TMEM17: variants seen among roughly 807,000 people sequenced by gnomAD.
The protein encoded by TMEM17 is transmembrane protein 17.
TMEM17 carries 15 observed loss-of-function variants against 19.1 expected under a neutral mutation model. That is an observed-to-expected ratio of 0.78 (90% CI 0.52 to 1.21). The LOEUF is 1.21. Among genes scored for constraint, TMEM17 ranks in the 50% most tolerant of loss-of-function variants. The probability of loss-of-function intolerance (pLI) is 0.00; values close to 1 mark genes in which losing one functional copy is unlikely to be tolerated. For synonymous variants in TMEM17, 103 were observed against 86.9 expected (o/e 1.19, Z -1.03); for missense variants, 245 against 242.3 (o/e 1.01, Z -0.07).
At chr2:62,465,597 A>T in the TMEM17 span, among the ~76,000 whole-genome samples, 1 of 94,256 alleles carries the variant, frequency 1.1e-5, no homozygotes, top group Non-Finnish European at 1.9e-5. Context: ...TGTCTATATT[A>T]AAAAAAAAAA....
rs1464348399 is a variant in TMEM17, at chr2:62,501,225, C to T, written c.581G>A (p.Cys194Tyr). ...AACACTGGATCAGATCTCTTCTATA[C>T]ATGACCTCATCCTTCTCATGTCTCC... ...NRGDMRRMRS[C>Y]IEEI Residue 194 changes from cysteine (C) to tyrosine (Y), a missense_variant, in exon 4 of 4, where the codon TGT becomes TAT. Coordinates refer to ENST00000335390, the MANE Select transcript of TMEM17 (RefSeq NM_198276.3). 6.2e-7 allele frequency: 1 copy of T among 1,614,160 alleles called. No homozygotes were observed. Among genetic ancestry groups the T allele is most frequent in the Non-Finnish European group, 8.5e-7 (1 of 1,180,026 alleles).
the TMEM17 span, among the ~76,000 whole-genome samples, chr2:62,490,180 G>T: frequency 6.6e-6 from 1 of 151,988 alleles, no homozygotes; most frequent in Non-Finnish European, 1.5e-5. Context: ...TGTCTCAAAA[G>T]AAAGAAAAAT....
chr2:62,487,633 A>G, the TMEM17 span, among the ~76,000 whole-genome samples: 2 of 152,236 alleles, frequency 1.3e-5, no homozygotes, highest in African/African-American at 4.8e-5. Flanking sequence ...TGGATAAAGA[A>G]GCTAAAGTAT....
chr2:62,505,416 T>C (rs1421958140), intron 1 of TMEM17, among the ~76,000 whole-genome samples: 1 of 152,140 alleles, frequency 6.6e-6, no homozygotes, highest in Non-Finnish European at 1.5e-5. Flanking sequence ...GCCCGGCTAG[T>C]ATGGCACATG....
chr2:62,475,616 G>A, the TMEM17 span, among the ~76,000 whole-genome samples: 1 of 152,236 alleles, frequency 6.6e-6, no homozygotes, highest in Non-Finnish European at 1.5e-5. Context: ...CAAGCCCAGA[G>A]CTCACGTTTC....
chr2:62,492,251 G>T, the TMEM17 span, among the ~76,000 whole-genome samples: 1 of 152,210 alleles, frequency 6.6e-6, no homozygotes, highest in East Asian at 1.9e-4. Context: ...CTGTTTACTT[G>T]CTGTGTGACC....
At chr2:62,502,648 C>CT (rs1679960068) in intron 2 of TMEM17, 43 bp downstream of exon 2, 2 of 1,506,230 alleles carry the variant, frequency 1.3e-6, no homozygotes, top group Non-Finnish European at 1.8e-6. Context: ...TATTGACACT[C>CT]TAACAACGTC....
At chr2:62,467,749 AG>A in the TMEM17 span, among the ~76,000 whole-genome samples, 3 of 152,174 alleles carry the variant, frequency 2.0e-5, no homozygotes, top group Non-Finnish European at 4.4e-5. Flanking sequence ...TTCTGGCCTA[AG>A]GAGCTCCTCT....
chr2:62,479,652 G>A, the TMEM17 span, among the ~76,000 whole-genome samples: 3 of 152,230 alleles, frequency 2.0e-5, no homozygotes, highest in South Asian at 2.1e-4. Context: ...TTGGGAGGCC[G>A]AGGCCAGCAG....
chr2:62,491,105 A>AAAAAAC, the TMEM17 span: 2 of 147,200 alleles, frequency 1.4e-5, no homozygotes, highest in South Asian at 2.1e-4. Context: ...AAAAAAAAAA[A>AAAAAAC]CCTCTTCAGT....
At chr2:62,476,059 C>G in the TMEM17 span, among the ~76,000 whole-genome samples, 1 of 152,120 alleles carries the variant, frequency 6.6e-6, no homozygotes, top group Non-Finnish European at 1.5e-5. Flanking sequence ...GCCCAGCAAG[C>G]AGCCTTCCCA....
the TMEM17 span, among the ~76,000 whole-genome samples, chr2:62,477,315 T>A: frequency 6.6e-6 from 1 of 152,212 alleles, no homozygotes; most frequent in Non-Finnish European, 1.5e-5. Context: ...GAGAATTGCT[T>A]GAACCCAGGA....
chr2:62,498,576 C>T (rs1203951502), downstream of TMEM17, among the ~76,000 whole-genome samples: 4 of 145,340 alleles, frequency 2.8e-5, no homozygotes, highest in African/African-American at 5.0e-5. Flanking sequence ...ATTAGCCGGG[C>T]GTGGTGGCGG....
In TMEM17 at chr2:62,501,096, G is replaced by A. The variant is rs1308969249; in HGVS notation, c.*113C>T. 8.2e-7 allele frequency: 1 copy of A among 1,215,942 alleles called. No individual in the cohort carries two copies. Among genetic ancestry groups the A allele is most frequent in the Middle Eastern group, 2.3e-4 (1 of 4,324 alleles). The allele number at this position is 1,215,942 out of a possible 1,614,324, so 75.3% of individuals were successfully genotyped here. A position where few individuals can be genotyped will look rare whatever the true frequency, so the allele number is the denominator to read the frequency against. On this transcript the variant is annotated 3_prime_UTR_variant, in exon 4 of 4. Transcript: ENST00000335390. The stretch of plus-strand genomic sequence containing the variant: ...CCCCAACCTTGGAATTTCAGAGTGA[G>A]AGCATATACAATTCAAAACACTTGC...
chr2:62,502,521 G>A lies in TMEM17; in HGVS notation c.234C>T (p.Phe78=), dbSNP rs1454689429. ...KYSILPDYYK[F]IVITVIILIT... ...TTAGGATGATAACAGTGATCACAAT[G>A]AATTTGTAGTAGTCAGGTAAGATTG... The change falls in exon 3 of 4, where the codon TTC becomes TTT. Residue 78 remains phenylalanine (F), a synonymous_variant. Transcript: ENST00000335390. 1.1e-5 allele frequency: 17 copies of A among 1,611,224 alleles called. No homozygotes were observed. The highest frequency in any genetic ancestry group is 1.4e-5 in the Non-Finnish European group (17 of 1,178,242).
At chr2:62,483,754 C>T in the TMEM17 span, among the ~76,000 whole-genome samples, 107 of 152,098 alleles carry the variant, frequency 7.0e-4, no homozygotes, top group African/African-American at 2.5e-3. Context: ...CACGTGCCAC[C>T]GCGCCCGGCT....
the TMEM17 span, among the ~76,000 whole-genome samples, chr2:62,476,580 A>G: frequency 6.6e-6 from 1 of 152,218 alleles, no homozygotes; most frequent in Admixed American, 6.5e-5. Flanking sequence ...GAAAAATCCT[A>G]AGTTGCACCA....
At chr2:62,472,405 G>T in the TMEM17 span, among the ~76,000 whole-genome samples, 1 of 152,108 alleles carries the variant, frequency 6.6e-6, no homozygotes, top group African/African-American at 2.4e-5. Context: ...GGCTTTCCAT[G>T]CACCACTGAG....
the TMEM17 span, among the ~76,000 whole-genome samples, chr2:62,470,511 G>T: frequency 6.6e-6 from 1 of 152,198 alleles, no homozygotes; most frequent in African/African-American, 2.4e-5. Flanking sequence ...GTGCAGTGTC[G>T]ATAGATGAAC....
Sources: gnomAD v4.1 joint callset for allele counts (sites outside exome capture counted in the v4.1 genomes callset) on GRCh38, gnomAD v4.1.1 for gene constraint, MANE v1.5 for transcripts, NCBI Gene and HGNC (gene_info 2026-07-23, HGNC 2026-07-21) for gene names.